TEP1: variants seen among roughly 807,000 people sequenced by gnomAD.
The protein encoded by TEP1 is telomerase associated protein 1.
TEP1 carries 241 observed loss-of-function variants against 306.3 expected under a neutral mutation model. That is an observed-to-expected ratio of 0.79 (90% CI 0.71 to 0.88). TEP1 has a LOEUF of 0.88. Ranked by LOEUF, TEP1 falls within the 40% of genes least tolerant of loss-of-function variation. The pLI, the probability that TEP1 is intolerant of heterozygous loss-of-function variation, is 0.00. For missense variants in TEP1, 3,051 were observed against 3,276.1 expected (o/e 0.93, Z 1.68); for synonymous variants, 1,289 against 1,305.5 (o/e 0.99, Z 0.27).
At chr14:20,390,581 G>T in intron 15 of TEP1, 100 bp downstream of exon 15, 1 of 1,116,818 alleles carries the variant, frequency 9.0e-7, no homozygotes, top group Non-Finnish European at 1.3e-6. Context: ...ACTATTGTAT[G>T]TGGTTGGAGA....
chr14:20,374,670 T>G, intron 43 of TEP1, 134 bp from the exon 44 acceptor site: 1 of 600,078 alleles, frequency 1.7e-6, no homozygotes, highest in Non-Finnish European at 2.9e-6. Context: ...ATCCTAGCTC[T>G]GTCACTCATT....
rs759565225 is a variant in TEP1 at position 20,406,188 on chromosome 14, C to A, written c.735+45G>T. 7 of 1,603,052 alleles carry A rather than the reference C, an allele frequency of 4.4e-6. No individual in the cohort carries two copies. In the Admixed American group the frequency reaches 5.0e-5, roughly 12 times the overall value. ...GTTCAAGTACTCCACCACCAACCTC[C>A]CCTCCACACCATTATTAACCTTCCC... is the stretch of plus-strand genomic sequence containing the variant. On this transcript the variant is annotated intron_variant, in intron 3 of 54. Coordinates refer to ENST00000262715, the MANE Select transcript of TEP1 (RefSeq NM_007110.5).
intron 16 of TEP1, 145 bp downstream of exon 16, chr14:20,389,465 G>T: frequency 1.4e-6 from 2 of 1,438,910 alleles, no homozygotes; most frequent in South Asian, 2.5e-5. Flanking sequence ...TTAGGCTAAA[G>T]TATCCACCTG....
chr14:20,399,173 G>A (rs1318823666), intron 9 of TEP1, among the ~76,000 whole-genome samples: 4 of 152,174 alleles, frequency 2.6e-5, no homozygotes, highest in East Asian at 1.9e-4. Flanking sequence ...GATTACAGGC[G>A]TGAGCCATGG....
At chr14:20,403,159 CAAAA>C (rs61465318) in intron 7 of TEP1, among the ~76,000 whole-genome samples, 1,285 of 83,202 alleles carry the variant, frequency 0.015, 21 homozygotes, top group African/African-American at 0.055. Flanking sequence ...AACTTCATCT[CAAAA>C]AAAAAAAAAA....
At chr14:20,384,546 C>A (rs764985341) in intron 22 of TEP1, 38 bp from the exon 23 acceptor site, 91 of 1,613,522 alleles carry the variant, frequency 5.6e-5, no homozygotes, top group Non-Finnish European at 7.5e-5. Flanking sequence ...CAGAGCAGGC[C>A]CGGCTCCTCT....
At chr14:20,391,311 C>T (rs1014647544) in intron 13 of TEP1, among the ~76,000 whole-genome samples, 1 of 152,080 alleles carries the variant, frequency 6.6e-6, no homozygotes, top group African/African-American at 2.4e-5. Flanking sequence ...AGTTCAACAC[C>T]GGGATGTAGT....
intron 13 of TEP1, 88 bp from the exon 14 acceptor site, chr14:20,391,184 T>C (rs1053690091): frequency 3.6e-6 from 5 of 1,378,702 alleles, no homozygotes; most frequent in Middle Eastern, 1.9e-4. Context: ...AACCCTTCCA[T>C]TGGTTAGAGG....
At position 20,381,571 on chromosome 14, in the gene TEP1, C is replaced by T; in HGVS notation, c.4540G>A (p.Ala1514Thr). The change falls in exon 31 of 55, where the codon GCA becomes ACA. Residue 1514 changes from alanine to threonine, a missense_variant. Transcript: ENST00000262715. This position sits in a 1 kb window ranked among gnomAD's most constrained non-coding sequence, Gnocchi z 4.0. Reference sequence around the variant, plus strand: ...CAATCACCTGCAATGAGGATGTGTGCCGTGTCCTCTAGCCCTGGCCTCTTC... The same window carrying T: ...CAATCACCTGCAATGAGGATGTGTGTCGTGTCCTCTAGCCCTGGCCTCTTC... ...YGKRPGLEDT[A>T]HILIAAQLWK... 6.2e-7 allele frequency: 1 copy of T among 1,613,698 alleles called. No homozygotes were observed. Among genetic ancestry groups the T allele is most frequent in the Non-Finnish European group, 8.5e-7 (1 of 1,180,030 alleles).
intron 51 of TEP1, 81 bp from the exon 52 acceptor site, chr14:20,369,860 G>A: frequency 1.8e-6 from 2 of 1,134,894 alleles, no homozygotes; most frequent in Non-Finnish European, 2.5e-6. Context: ...TTCTGCTCTG[G>A]GCTGGTCAGG....
intron 49 of TEP1, 144 bp from the exon 50 acceptor site, chr14:20,371,776 T>C (rs531508859): frequency 9.4e-6 from 10 of 1,058,704 alleles, no homozygotes; most frequent in South Asian, 1.9e-5. Flanking sequence ...CACTTTCTGG[T>C]TTTTGTTTTT....
At chr14:20,409,806 G>A (rs1031704309) in intron 1 of TEP1, among the ~76,000 whole-genome samples, 2 of 151,968 alleles carry the variant, frequency 1.3e-5, no homozygotes, top group African/African-American at 4.8e-5. Context: ...GGATCACAAG[G>A]TCAGGAGATC....
At position 20,377,351 on chromosome 14, in the gene TEP1, C is replaced by A; in HGVS notation, c.6017G>T (p.Trp2006Leu). ...ALKECSLQSL[W>L]LLSRFQKPVL... ...AGGCTTCTGGAATCTGGACAGGAGC[C>A]AGAGGGACTGAAGGGAGCATTCCTT... Residue 2006 changes from tryptophan to leucine, a missense_variant, in exon 41 of 55, where the codon TGG becomes TTG. By Grantham distance (61) the Trp-to-Leu change is moderately conservative. This residue lies in a region of TEP1 where 1,540 missense variants were observed against 1,705.9 expected (regional missense o/e 0.90). Transcript: ENST00000262715. 6.2e-7 allele frequency: 1 copy of A among 1,614,160 alleles called. No homozygotes were observed. Among genetic ancestry groups the A allele is most frequent in the Non-Finnish European group, 8.5e-7 (1 of 1,180,016 alleles).
In TEP1 at chr14:20,408,234, G is replaced by GAC. The variant is rs771704995; in HGVS notation, c.204_205dup (p.Ser69CysfsTer21). On this transcript the variant is annotated frameshift_variant, in exon 2 of 55. Transcript: ENST00000262715. LOFTEE classifies it high-confidence loss of function. ...CAAGGAGAGGATGTCTGGGTGGGCA[G>GAC]ACACATATCCATGTGGTTTTTCCAT... is the stretch of plus-strand genomic sequence containing the variant. 1 of 1,613,710 alleles carries GAC rather than the reference G, an allele frequency of 6.2e-7. No individual in the cohort carries two copies. The highest frequency in any genetic ancestry group is 1.7e-5 in the Admixed American group (1 of 60,018).
In TEP1 at chr14:20,383,247, G is replaced by A; in HGVS notation, c.3974C>T (p.Ala1325Val). The A allele has an allele frequency of 6.2e-7, 1 of 1,614,012 alleles. No homozygotes were observed. Among genetic ancestry groups the A allele is most frequent in the Non-Finnish European group, 8.5e-7 (1 of 1,179,978 alleles). Reference sequence around the variant, plus strand: ...CTCCTCTCTCACCAGCCGGGCCCGAGCAGAGGCCTCCAGAGGCCCCAAGGC... The same window carrying A: ...CTCCTCTCTCACCAGCCGGGCCCGAACAGAGGCCTCCAGAGGCCCCAAGGC... ...VLALGPLEAS[A>V]RARLVREELA... Residue 1325 changes from alanine (A) to valine (V), a missense_variant, in exon 27 of 55, where the codon GCT (alanine) becomes GTT (valine). Coordinates refer to ENST00000262715, the MANE Select transcript of TEP1 (RefSeq NM_007110.5).
Position 20,384,727 on chromosome 14 carries a change from AC to A in TEP1, c.3108-15del, listed in dbSNP as rs746361335. The A allele has an allele frequency of 6.2e-7, 1 of 1,606,574 alleles. No homozygotes were observed. Among genetic ancestry groups the A allele is most frequent in the Non-Finnish European group, 8.5e-7 (1 of 1,178,956 alleles). On this transcript the variant is annotated splice_polypyrimidine_tract_variant and intron_variant, in intron 21 of 54. Coordinates refer to ENST00000262715, the MANE Select transcript of TEP1 (RefSeq NM_007110.5). ...TCTGGCACAGAGCTGACCACCAAAGACCCCAAAAGTTGGAATAGACTCAGAC... is the reference window on the plus strand; with the variant it reads ...TCTGGCACAGAGCTGACCACCAAAGACCCAAAAGTTGGAATAGACTCAGAC...
chr14:20,383,349 A>G lies in TEP1; in HGVS notation c.3872T>C (p.Val1291Ala). ...DWIPKKLPRCVHLVLSVSSDA... is the reference protein window; with the variant it reads ...DWIPKKLPRCAHLVLSVSSDA... ...ACTAGACACACTCAGCACCAGGTGT[A>G]CACACTGTGATATTTGGGCAAAGGG... Residue 1291 changes from valine (V) to alanine (A), a missense_variant, in exon 27 of 55, where the codon GTA (valine) becomes GCA (alanine). Physicochemically the swap from Val to Ala is moderately conservative, Grantham distance 64. Coordinates refer to ENST00000262715, the MANE Select transcript of TEP1 (RefSeq NM_007110.5). 1.2e-6 allele frequency: 2 copies of G among 1,605,074 alleles called. No homozygotes were observed. The highest frequency in any genetic ancestry group is 1.7e-6 in the Non-Finnish European group (2 of 1,175,044).
In TEP1 at chr14:20,378,172, G is replaced by T. The variant is rs1409200525; in HGVS notation, c.5573C>A (p.Ala1858Asp). The T allele has an allele frequency of 6.2e-7, 1 of 1,613,832 alleles. No individual in the cohort carries two copies. The highest frequency in any genetic ancestry group is 1.7e-5 in the Admixed American group (1 of 60,016). Reference protein sequence around the residue: ...LAFNVPGGVVAVGRLDSMVEL... With the variant: ...LAFNVPGGVVDVGRLDSMVEL... ...CACCATACTGTCCAGCCGGCCCACA[G>T]CCACAACCCCCCCAGGCACATTGAA... The change falls in exon 39 of 55, where the codon GCT (alanine) becomes GAT (aspartate). Residue 1858 changes from alanine (A) to aspartate (D), a missense_variant. Transcript: ENST00000262715.
chr14:20,390,803 C>T, intron 14 of TEP1, 45 bp from the exon 15 acceptor site: 1 of 1,613,450 alleles, frequency 6.2e-7, no homozygotes. Flanking sequence ...CAGTAAGCGA[C>T]AAACACTGCA....
Sources: gnomAD v4.1 joint callset for allele counts (sites outside exome capture counted in the v4.1 genomes callset) on GRCh38, gnomAD v4.1.1 for gene constraint, gnomAD v4.1.1 regional missense constraint, Gnocchi (gnomAD v3.1) non-coding constraint, MANE v1.5 for transcripts, NCBI Gene and HGNC (gene_info 2026-07-23, HGNC 2026-07-21) for gene names.